The following PAFAH1B2 variants were observed in gnomAD, a reference collection of about 807,000 sequenced individuals.
PAFAH1B2 encodes platelet activating factor acetylhydrolase 1b catalytic subunit 2.
PAFAH1B2 carries 8 observed loss-of-function variants against 28.0 expected under a neutral mutation model. The observed-to-expected ratio is 0.29, with a 90% CI of 0.17 to 0.52. The LOEUF is 0.52. Among genes scored for constraint, PAFAH1B2 ranks in the 20% least tolerant of loss-of-function variants. PAFAH1B2 has a pLI of 0.97. For missense variants in PAFAH1B2, 190 were observed against 282.6 expected, an observed-to-expected ratio of 0.67 and a Z score of 2.35; for synonymous variants, 104 against 103.2, an observed-to-expected ratio of 1.01 and a Z score of -0.05.
At chr11:117,174,682 C>T (rs1219781373), downstream of PAFAH1B2, among the ~76,000 whole-genome samples, 1 of 152,056 alleles carries the variant, frequency 6.6e-6, no homozygotes, top group Non-Finnish European at 1.5e-5. Context: ...TTCTCCATGT[C>T]TGTCAGGCTG....
At chr11:117,174,868 G>A, downstream of PAFAH1B2, 6 of 1,452,692 alleles carry the variant, frequency 4.1e-6, no homozygotes, top group African/African-American at 1.4e-5. Context: ...AACCGCCTTG[G>A]CCTCCCAAAG....
chr11:117,170,402 G>A lies in PAFAH1B2; in HGVS notation c.*2703G>A. 9.4e-7 allele frequency: 1 copy of A among 1,059,272 alleles called. No individual in the cohort carries two copies. Among genetic ancestry groups the A allele is most frequent in the Non-Finnish European group, 1.1e-6 (1 of 876,522 alleles). The allele number at this position is 1,059,272 out of a possible 1,614,324, so 65.6% of individuals were successfully genotyped here. A position where few individuals can be genotyped will look rare whatever the true frequency, so the allele number is the denominator to read the frequency against. On this transcript the variant is annotated 3_prime_UTR_variant, in exon 6 of 6. Transcript: ENST00000527958. ...ACTATAAAGATGTCTGTGGTCATAT[G>A]TTGAATGTGGCAGCTTGAAGATGTA...
At position 117,168,445 on chromosome 11, in the gene PAFAH1B2, C is replaced by CCTTTCTTTTTTTTTT. The variant is rs1565274998; in HGVS notation, c.*746_*747insCTTTCTTTTTTTTTT. ...TTCCCCTTCATTCCCCCCGCCACCC[C>CCTTTCTTTTTTTTTT]GTTTTTTTTTTTTTTTTTTTTTTTT... On this transcript the variant is annotated 3_prime_UTR_variant, in exon 6 of 6. Coordinates refer to ENST00000527958, the MANE Select transcript of PAFAH1B2 (RefSeq NM_002572.4). The CCTTTCTTTTTTTTTT allele has an allele frequency of 2.8e-6, 1 of 352,464 alleles. No individual in the cohort carries two copies. Among genetic ancestry groups the CCTTTCTTTTTTTTTT allele is most frequent in the Non-Finnish European group, 3.4e-6 (1 of 291,820 alleles). The allele number at this position is 352,464 out of a possible 1,614,324, so 21.8% of individuals were successfully genotyped here. A position where few individuals can be genotyped will look rare whatever the true frequency, so the allele number is the denominator to read the frequency against.
chr11:117,161,857 T>C (rs1187600407), intron 4 of PAFAH1B2, among the ~76,000 whole-genome samples: 6 of 151,988 alleles, frequency 3.9e-5, no homozygotes, highest in Non-Finnish European at 1.5e-5. Flanking sequence ...GTGGAATGCA[T>C]AGATCTCGGG....
intron 4 of PAFAH1B2, among the ~76,000 whole-genome samples, chr11:117,161,962 G>A (rs1016956139): frequency 2.0e-5 from 3 of 152,092 alleles, no homozygotes; most frequent in African/African-American, 7.2e-5. Flanking sequence ...CATATAAACA[G>A]GTCAGTAATC....
At chr11:117,164,051 G>A (rs1295505983) in intron 5 of PAFAH1B2, 159 bp downstream of exon 5, 1 of 690,992 alleles carries the variant, frequency 1.4e-6, no homozygotes, top group Non-Finnish European at 2.4e-6. Flanking sequence ...CTGTCTTACT[G>A]GTTTCATCAT....
At chr11:117,175,906 A>G (rs893855136), downstream of PAFAH1B2, 26 of 1,535,862 alleles carry the variant, frequency 1.7e-5, no homozygotes, top group Non-Finnish European at 2.3e-5. Context: ...AATGTTTCAG[A>G]TTATTTACTG....
rs75949708 is a variant in PAFAH1B2, at chr11:117,166,590, G to A, written c.412-831G>A. On this transcript the variant is annotated intron_variant, in intron 5 of 5. Transcript: ENST00000527958. ...AAATGTTTTTGAATTGCTTTGCTGG[G>A]CATGGTAGCTCATGCCTAATCCTAG... Among the ~76,000 whole-genome samples, 689 of 152,310 alleles carry A rather than the reference G, an allele frequency of 4.5e-3. 9 individuals are homozygous for A. Among genetic ancestry groups the A allele is most frequent in the African/African-American group, 0.016 (646 of 41,564 alleles).
At chr11:117,172,155 G>T (rs1056207596), downstream of PAFAH1B2, among the ~76,000 whole-genome samples, 12 of 152,120 alleles carry the variant, frequency 7.9e-5, no homozygotes, top group African/African-American at 2.9e-4. Context: ...TACTTGAGGG[G>T]AAAACTGGAC....
intron 2 of PAFAH1B2, among the ~76,000 whole-genome samples, chr11:117,157,116 A>C (rs941154154): frequency 6.6e-6 from 1 of 151,984 alleles, no homozygotes; most frequent in Admixed American, 6.6e-5. Flanking sequence ...GCACCTATTC[A>C]CTAAACTTTT....
Position 117,168,461 on chromosome 11 carries a change from T to TG in PAFAH1B2, c.*762_*763insG, listed in dbSNP as rs1956570194. 4.1e-6 allele frequency: 4 copies of TG among 968,684 alleles called. No homozygotes were observed. Among genetic ancestry groups the TG allele is most frequent in the East Asian group, 6.0e-5 (1 of 16,620 alleles). The allele number at this position is 968,684 out of a possible 1,614,324, so 60.0% of individuals were successfully genotyped here. On this transcript the variant is annotated 3_prime_UTR_variant, in exon 6 of 6. Transcript: ENST00000527958. ...CCGCCACCCCGTTTTTTTTTTTTTT[T>TG]TTTTTTTTTTGGTTCTTGTTGACAT... is the stretch of plus-strand genomic sequence containing the variant.
chr11:117,168,589 G>A lies in PAFAH1B2; in HGVS notation c.*890G>A, dbSNP rs1956575042. ...GTACTGCTATAAAACTCATTCTTGTGTGGTGTTCTGTGCTATAGATTCTGT... is the reference window on the plus strand; with the variant it reads ...GTACTGCTATAAAACTCATTCTTGTATGGTGTTCTGTGCTATAGATTCTGT... On this transcript the variant is annotated 3_prime_UTR_variant, in exon 6 of 6. Coordinates refer to ENST00000527958, the MANE Select transcript of PAFAH1B2 (RefSeq NM_002572.4). 5.7e-6 allele frequency: 6 copies of A among 1,061,086 alleles called. No homozygotes were observed. Among genetic ancestry groups the A allele is most frequent in the Admixed American group, 5.4e-5 (1 of 18,390 alleles). 65.7% of individuals were successfully genotyped at this position (1,061,086 alleles called of 1,614,324 possible). A position where few individuals can be genotyped will look rare whatever the true frequency, so the allele number is the denominator to read the frequency against.
intron 5 of PAFAH1B2, among the ~76,000 whole-genome samples, chr11:117,166,358 T>C (rs998917329): frequency 6.6e-6 from 1 of 152,252 alleles, no homozygotes; most frequent in Non-Finnish European, 1.5e-5. Flanking sequence ...GTATGAATGT[T>C]GCTCAATAAG....
At chr11:117,175,722 A>G, downstream of PAFAH1B2, 1 of 1,129,188 alleles carries the variant, frequency 8.9e-7, no homozygotes, top group African/African-American at 1.6e-5. Flanking sequence ...AGTGTGAAGT[A>G]GGACTCTGGA....
At chr11:117,147,353 A>C (rs1462707282) in intron 1 of PAFAH1B2, among the ~76,000 whole-genome samples, 2 of 151,930 alleles carry the variant, frequency 1.3e-5, no homozygotes, top group Non-Finnish European at 2.9e-5. Context: ...GCGCACCACC[A>C]CCCCCAGCTA....
chr11:117,169,885 G>A lies in PAFAH1B2; in HGVS notation c.*2186G>A, dbSNP rs1956609293. On this transcript the variant is annotated 3_prime_UTR_variant, in exon 6 of 6. Coordinates refer to ENST00000527958, the MANE Select transcript of PAFAH1B2 (RefSeq NM_002572.4). Reference sequence around the variant, plus strand: ...CAAATAAATCCATTAGGTTACTCCTGCAGCATGCGCTTTTAGCTTCTCTCT... The same window carrying A: ...CAAATAAATCCATTAGGTTACTCCTACAGCATGCGCTTTTAGCTTCTCTCT... The A allele has an allele frequency of 1.0e-5, 11 of 1,054,536 alleles. No individual in the cohort carries two copies. The highest frequency in any genetic ancestry group is 1.3e-5 in the Non-Finnish European group (11 of 872,450). 65.3% of individuals were successfully genotyped at this position (1,054,536 alleles called of 1,614,324 possible).
chr11:117,176,681 A>AGATC (rs2029996616), exon 6 of PAFAH1B2: 1 of 163,198 alleles, frequency 6.1e-6, no homozygotes, highest in Non-Finnish European at 1.3e-5. Context: ...GTTCGAGATC[A>AGATC]GCCTGACCAA....
At chr11:117,175,798 G>A, downstream of PAFAH1B2, 1 of 1,179,714 alleles carries the variant, frequency 8.5e-7, no homozygotes, top group Non-Finnish European at 1.2e-6. Flanking sequence ...TTAGAGTAGT[G>A]GTGCTTGCCT....
At chr11:117,159,626 T>C in intron 2 of PAFAH1B2, 1 of 269,740 alleles carries the variant, frequency 3.7e-6, no homozygotes, top group South Asian at 8.1e-5. Context: ...TCCCAGCTAT[T>C]CAGGTGACTG....
Sources: allele counts gnomAD v4.1 joint callset (sites outside exome capture counted in the v4.1 genomes callset), GRCh38; gene constraint gnomAD v4.1.1; transcripts MANE v1.5; gene names NCBI Gene and HGNC (gene_info 2026-07-23, HGNC 2026-07-21).